The following ALPK3 variants were observed in gnomAD, a reference collection of about 807,000 sequenced individuals.
ALPK3 encodes alpha kinase 3.
In ALPK3, 102 loss-of-function variants were observed where a neutral mutation model predicts 140.0. The ratio of observed to expected loss-of-function variants is 0.73; its 90% CI spans 0.62 to 0.86. The LOEUF (loss-of-function observed/expected upper bound fraction) is 0.86, where lower values mean the gene tolerates loss of function less well. ALPK3 is among the 40% of genes least tolerant of loss of function. The pLI, the probability that ALPK3 is intolerant of heterozygous loss-of-function variation, is 0.00. For missense variants in ALPK3, 2,254 were observed against 2,208.2 expected (o/e 1.02, Z -0.42); for synonymous variants, 938 against 898.5 (o/e 1.04, Z -0.79).
At chr15:84,847,810 G>A (rs974570706) in intron 5 of ALPK3, among the ~76,000 whole-genome samples, 1 of 152,210 alleles carries the variant, frequency 6.6e-6, no homozygotes, top group African/African-American at 2.4e-5. Flanking sequence ...TGTAATCCCA[G>A]CACTGTGGGA....
At position 84,839,665 on chromosome 15, in the gene ALPK3, G is replaced by A; in HGVS notation, c.423-37G>A. On this transcript the variant is annotated intron_variant, in intron 4 of 13. Coordinates refer to ENST00000258888, the MANE Select transcript of ALPK3 (RefSeq NM_020778.5). ...GGGGTGTGGGGGCTCTCACCTCCCA[G>A]GAGGGGAGAGGTGGCACCTCCCGCT... The A allele has an allele frequency of 5.8e-6, 9 of 1,555,014 alleles. No individual in the cohort carries two copies. In the Middle Eastern group the frequency reaches 6.0e-4, roughly 103 times the overall value.
At position 84,840,023 on chromosome 15, in the gene ALPK3, G is replaced by C; in HGVS notation, c.744G>C (p.Ala248=). 2 of 1,613,880 alleles carry C rather than the reference G, an allele frequency of 1.2e-6. No homozygotes were observed. Among genetic ancestry groups the C allele is most frequent in the Non-Finnish European group, 1.7e-6 (2 of 1,179,884 alleles). ...GGGAGCCTGAGGGTGGGACCCTGGCGGCTTGGCAGGAGGGAGAGACTGAGA... is the reference window on the plus strand; with the variant it reads ...GGGAGCCTGAGGGTGGGACCCTGGCCGCTTGGCAGGAGGGAGAGACTGAGA... ...PTREPEGGTL[A]AWQEGETETA... is the part of the protein sequence containing the mutation. Residue 248 remains alanine, a synonymous_variant, in exon 5 of 14, where the codon GCG becomes GCC. Transcript: ENST00000258888.
chr15:84,817,812 C>G (rs755200001), intron 1 of ALPK3, among the ~76,000 whole-genome samples: 17 of 152,114 alleles, frequency 1.1e-4, no homozygotes, highest in Admixed American at 8.5e-4. Context: ...TCTGGCAATT[C>G]GAGGCTCAAG....
At chr15:84,851,997 C>T (rs1963809055) in intron 5 of ALPK3, among the ~76,000 whole-genome samples, 1 of 152,192 alleles carries the variant, frequency 6.6e-6, no homozygotes. Flanking sequence ...AGCAGTCCCC[C>T]TTATCCACAG....
intron 4 of ALPK3, 31 bp from the exon 5 acceptor site, chr15:84,839,671 G>T (rs368752926): frequency 3.2e-6 from 5 of 1,560,072 alleles, no homozygotes. Flanking sequence ...CCCAGGAGGG[G>T]AGAGGTGGCA....
In ALPK3 at chr15:84,839,938, G is replaced by T. The variant is rs751544966; in HGVS notation, c.659G>T (p.Arg220Leu). ...VDTLRKLSPD[R>L]FQRKRRLSGA... is the part of the protein sequence containing the mutation. Reference sequence around the variant, plus strand: ...ACTCTGCGCAAGCTCAGCCCCGACCGCTTCCAGCGAAAGCGGCGATTGAGC... The same window carrying T: ...ACTCTGCGCAAGCTCAGCCCCGACCTCTTCCAGCGAAAGCGGCGATTGAGC... Residue 220 changes from arginine to leucine, a missense_variant, in exon 5 of 14, where the codon CGC (arginine) becomes CTC (leucine). Around this residue, in one of 3 missense-constraint regions of ALPK3, gnomAD observed 2,088 missense variants for 2,022.9 expected, o/e 1.03. Transcript: ENST00000258888. 6.2e-7 allele frequency: 1 copy of T among 1,613,522 alleles called. No homozygotes were observed. Among genetic ancestry groups the T allele is most frequent in the East Asian group, 2.2e-5 (1 of 44,856 alleles).
chr15:84,836,584 A>C (rs1172521689), intron 3 of ALPK3, among the ~76,000 whole-genome samples: 5 of 152,246 alleles, frequency 3.3e-5, no homozygotes, highest in African/African-American at 4.8e-5. Context: ...GCCTGAGCCA[A>C]ATATAGGGAT....
In ALPK3 at chr15:84,858,090, G is replaced by A. The variant is rs754970719; in HGVS notation, c.3352G>A (p.Ala1118Thr). ...CAGCATGGCTGGTCGACTGGGGGAG[G>A]CGGGTGGGCAGGCAGCCCCTGGACA... ...ESSMAGRLGE[A>T]GGQAAPGQGP... Residue 1118 changes from alanine (A) to threonine (T), a missense_variant, in exon 6 of 14, where the codon GCG (alanine) becomes ACG (threonine). Around this residue, in one of 3 missense-constraint regions of ALPK3, gnomAD observed 2,088 missense variants for 2,022.9 expected, o/e 1.03. Transcript: ENST00000258888. The A allele has an allele frequency of 3.8e-6, 6 of 1,568,728 alleles. No individual in the cohort carries two copies. The highest frequency in any genetic ancestry group is 4.5e-5 in the East Asian group (2 of 44,488).
intron 2 of ALPK3, among the ~76,000 whole-genome samples, chr15:84,824,828 T>G (rs1185566121): frequency 6.6e-6 from 1 of 152,228 alleles, no homozygotes; most frequent in Non-Finnish European, 1.5e-5. Context: ...CATTTCCAGA[T>G]GTGTGGACTT....
intron 12 of ALPK3, among the ~76,000 whole-genome samples, chr15:84,866,145 T>C (rs566371197): frequency 1.3e-5 from 2 of 152,262 alleles, no homozygotes; most frequent in South Asian, 4.1e-4. Context: ...AGTGAGACCA[T>C]ATTTGTGAAA....
chr15:84,850,167 A>C (rs1040379623), intron 5 of ALPK3, among the ~76,000 whole-genome samples: 1 of 152,050 alleles, frequency 6.6e-6, no homozygotes, highest in African/African-American at 2.4e-5. Context: ...TAAAAATTAT[A>C]AACTACCAAA....
rs1164019636 is a variant in ALPK3, at chr15:84,869,796, CT to C, written c.*1341del. ...GGAGGTCTGTGGAGTCAAGGTCCCC[CT>C]CTCCCAGGCAGGCTCTCTGAGGGCA... On this transcript the variant is annotated 3_prime_UTR_variant, in exon 14 of 14. Transcript: ENST00000258888. 6.5e-6 allele frequency: 1 copy of C among 152,728 alleles called. No homozygotes were observed. The highest frequency in any genetic ancestry group is 1.5e-5 in the Non-Finnish European group (1 of 68,106). The allele number at this position is 152,728 out of a possible 1,614,324, so 9.5% of individuals were successfully genotyped here.
rs1662156183 is a variant in ALPK3, at chr15:84,864,469, G to A, written c.4527G>A (p.Arg1509=). Residue 1509 remains arginine, a synonymous_variant, in exon 12 of 14, where the codon CGG becomes CGA. Transcript: ENST00000258888. ...PEIIPLYLIY[R]PANNIPYATL... is the part of the protein sequence containing the mutation. ...TCATCCCACTGTATCTGATCTACCG[G>A]CCTGCAAACAATATCCCATATGCTA... 4 of 1,614,094 alleles carry A rather than the reference G, an allele frequency of 2.5e-6. No homozygotes were observed. The highest frequency in any genetic ancestry group is 2.5e-6 in the Non-Finnish European group (3 of 1,180,014).
chr15:84,817,930 G>C (rs1567085063), intron 1 of ALPK3, among the ~76,000 whole-genome samples: 2 of 152,298 alleles, frequency 1.3e-5, no homozygotes, highest in Middle Eastern at 3.4e-3. Context: ...CACAGCTAGC[G>C]ATAAGGAAAG....
At position 84,858,008 on chromosome 15, in the gene ALPK3, G is replaced by A. The variant is rs777582539; in HGVS notation, c.3270G>A (p.Glu1090=). ...GGCTGGCCTCAGAAGGAGCCAGTGA[G>A]GGTGAAGGAGAGGTTTCCCCTGAGG... ...DPGLASEGAS[E]GEGEVSPEGP... The change falls in exon 6 of 14, where the codon GAG becomes GAA. Residue 1090 remains glutamate, a synonymous_variant. Transcript: ENST00000258888. 6.3e-7 allele frequency: 1 copy of A among 1,591,262 alleles called. No homozygotes were observed. Among genetic ancestry groups the A allele is most frequent in the South Asian group, 1.1e-5 (1 of 87,842 alleles).
intron 5 of ALPK3, among the ~76,000 whole-genome samples, chr15:84,854,442 C>T (rs1020326979): frequency 2.7e-4 from 41 of 152,070 alleles, no homozygotes; most frequent in African/African-American, 8.9e-4. Context: ...CGCACCACCA[C>T]GCCTGGCTAA....
At chr15:84,859,743 A>G (rs375706731) in intron 7 of ALPK3, 33 bp from the exon 8 acceptor site, 9 of 1,593,818 alleles carry the variant, frequency 5.6e-6, no homozygotes, top group South Asian at 1.1e-5. Context: ...CCCCCATGCC[A>G]TGGCCCTCAC....
chr15:84,835,305 C>T (rs1963587795), intron 3 of ALPK3, among the ~76,000 whole-genome samples: 1 of 152,146 alleles, frequency 6.6e-6, no homozygotes, highest in African/African-American at 2.4e-5. Flanking sequence ...CCAGGGCTGC[C>T]CAGAGTTTGT....
intron 2 of ALPK3, among the ~76,000 whole-genome samples, chr15:84,825,841 G>A (rs769184235): frequency 4.6e-5 from 7 of 152,210 alleles, no homozygotes; most frequent in Non-Finnish European, 7.3e-5. Context: ...CTTCCTGAGT[G>A]TTCAGGGAGT....
Sources: allele counts gnomAD v4.1 joint callset (sites outside exome capture counted in the v4.1 genomes callset), GRCh38; gene constraint gnomAD v4.1.1; regional missense constraint gnomAD v4.1.1; transcripts MANE v1.5; gene names NCBI Gene and HGNC (gene_info 2026-07-23, HGNC 2026-07-21).